Variants in ANK1 observed in about 807,000 individuals in gnomAD.
ANK1 encodes ankyrin-1.
Under a neutral mutation model 210.4 loss-of-function variants are expected in ANK1, and 51 were observed. The ratio of observed to expected loss-of-function variants is 0.24; its 90% CI spans 0.19 to 0.31. The LOEUF is 0.31. Ranked by LOEUF, ANK1 falls within the 10% of genes least tolerant of loss-of-function variation. ANK1 has a pLI of 1.00. For missense variants in ANK1, 2,051 were observed against 2,504.4 expected, an observed-to-expected ratio of 0.82 and a Z score of 3.86; for synonymous variants, 967 against 1,025.9, an observed-to-expected ratio of 0.94 and a Z score of 1.10.
intron 1 of ANK1, among the ~76,000 whole-genome samples, chr8:41,760,905 A>C (rs914040557): frequency 3.3e-5 from 5 of 152,022 alleles, no homozygotes; most frequent in African/African-American, 1.2e-4. Context: ...TGCCCTCCTA[A>C]AAAAAACATG....
intron 3 of ANK1, among the ~76,000 whole-genome samples, chr8:41,729,241 G>A (rs941178660): frequency 2.6e-5 from 4 of 152,126 alleles, no homozygotes; most frequent in African/African-American, 9.7e-5. Flanking sequence ...ATGAGTAAGG[G>A]TTCACCAAAT....
At chr8:41,850,377 GA>G (rs34061529) in intron 1 of ANK1, among the ~76,000 whole-genome samples, 37 of 146,852 alleles carry the variant, frequency 2.5e-4, no homozygotes, top group East Asian at 9.8e-4. Context: ...CTTCCAGAAA[GA>G]AAAAAAAAAT....
chr8:41,728,079 G>A (rs1831182672), intron 3 of ANK1, 73 bp from the exon 4 acceptor site: 4 of 1,491,130 alleles, frequency 2.7e-6, no homozygotes, highest in Non-Finnish European at 3.7e-6. Flanking sequence ...AAGGTCTGTG[G>A]ACAGGTGCTG....
intron 1 of ANK1, among the ~76,000 whole-genome samples, chr8:41,838,144 C>T (rs1270928189): frequency 6.6e-6 from 1 of 152,190 alleles, no homozygotes; most frequent in Non-Finnish European, 1.5e-5. Context: ...GCTCCAGACA[C>T]CCATCCCCTC....
intron 1 of ANK1, among the ~76,000 whole-genome samples, chr8:41,863,318 C>G (rs1307880854): frequency 1.3e-5 from 2 of 151,844 alleles, no homozygotes; most frequent in Non-Finnish European, 2.9e-5. Flanking sequence ...GAGATCGCAC[C>G]ACTGCACTCT....
intron 9 of ANK1, among the ~76,000 whole-genome samples, chr8:41,722,216 A>G (rs1829451524): frequency 6.6e-6 from 1 of 152,242 alleles, no homozygotes; most frequent in Non-Finnish European, 1.5e-5. Context: ...GCTAAATGAG[A>G]AACTGCTTTA....
chr8:41,878,698 T>C (rs1817039083), intron 1 of ANK1, among the ~76,000 whole-genome samples: 1 of 152,114 alleles, frequency 6.6e-6, no homozygotes, highest in South Asian at 2.1e-4. Flanking sequence ...ACAGGACCCT[T>C]TTAAGGGCAG....
At chr8:41,829,532 A>C (rs908463565) in intron 1 of ANK1, 2 of 152,024 alleles carry the variant, frequency 1.3e-5, no homozygotes, top group Non-Finnish European at 2.9e-5. Flanking sequence ...TCCTAGTCCC[A>C]CTCACCGTGT....
chr8:41,706,665 C>A lies in ANK1; in HGVS notation c.1999-424G>T, dbSNP rs78483504. 6.1e-3 allele frequency among the ~76,000 whole-genome samples: 931 copies of A among 152,312 alleles called. 14 individuals are homozygous for A. Among genetic ancestry groups the A allele is most frequent in the African/African-American group, 0.021 (878 of 41,576 alleles). On this transcript the variant is annotated intron_variant, in intron 17 of 42. Transcript: ENST00000289734. ...TTTATGGACTTCCCAGTAAAGAATG[C>A]CCCATTTCCATGGTGAATTTCAGAG...
At chr8:41,778,313 A>G (rs2150743518) in intron 1 of ANK1, among the ~76,000 whole-genome samples, 1 of 152,372 alleles carries the variant, frequency 6.6e-6, no homozygotes, top group Middle Eastern at 3.4e-3. Context: ...TGTGCAATTA[A>G]ATACCAAACG....
intron 8 of ANK1, 37 bp downstream of exon 8, chr8:41,723,498 C>T (rs1030934816): frequency 6.3e-6 from 10 of 1,598,308 alleles, no homozygotes; most frequent in Non-Finnish European, 8.6e-6. Context: ...GGGGACCTCC[C>T]TCCCCCTGCC....
intron 1 of ANK1, among the ~76,000 whole-genome samples, chr8:41,764,745 T>G (rs969864636): frequency 1.3e-5 from 2 of 152,212 alleles, no homozygotes; most frequent in Non-Finnish European, 2.9e-5. Flanking sequence ...ACAGCAGACA[T>G]TCTGCTGTGC....
chr8:41,729,280 A>C (rs1311175064), intron 3 of ANK1, among the ~76,000 whole-genome samples: 1 of 152,272 alleles, frequency 6.6e-6, no homozygotes, highest in Admixed American at 6.5e-5. Flanking sequence ...TGGAGAGAAT[A>C]AACACTGGAG....
At chr8:41,713,186 T>A (rs895049391) in intron 16 of ANK1, among the ~76,000 whole-genome samples, 2 of 152,238 alleles carry the variant, frequency 1.3e-5, no homozygotes, top group Non-Finnish European at 1.5e-5. Flanking sequence ...CTTGGATGCC[T>A]GCCACATGAC....
At chr8:41,692,051 G>C (rs1486747759) in intron 31 of ANK1, among the ~76,000 whole-genome samples, 1 of 150,114 alleles carries the variant, frequency 6.7e-6, no homozygotes, top group Non-Finnish European at 1.5e-5. Flanking sequence ...ATACTCAGCT[G>C]GCTAGCACTT....
At chr8:41,851,009 G>C (rs1414681493) in intron 1 of ANK1, among the ~76,000 whole-genome samples, 3 of 152,178 alleles carry the variant, frequency 2.0e-5, no homozygotes, top group Non-Finnish European at 4.4e-5. Flanking sequence ...AGATTTCTGT[G>C]GTCTCTGGAA....
intron 2 of ANK1, among the ~76,000 whole-genome samples, chr8:41,743,533 G>T (rs190954159): frequency 6.6e-6 from 1 of 152,298 alleles, no homozygotes; most frequent in Non-Finnish European, 1.5e-5. Context: ...AGCTGGAGAT[G>T]TCGGCCTTAG....
chr8:41,690,375 A>T, intron 32 of ANK1, 29 bp from the exon 33 acceptor site: 1 of 1,614,226 alleles, frequency 6.2e-7, no homozygotes, highest in Non-Finnish European at 8.5e-7. Context: ...AGGAGAATTC[A>T]GGGGCCCTTT....
intron 39 of ANK1, chr8:41,665,334 C>A: frequency 7.6e-7 from 1 of 1,311,524 alleles, no homozygotes; most frequent in South Asian, 1.3e-5. Flanking sequence ...CCGGAGCTGT[C>A]CAACCGGGCT....
Sources: gnomAD v4.1 joint callset for allele counts (sites outside exome capture counted in the v4.1 genomes callset) on GRCh38, gnomAD v4.1.1 for gene constraint, MANE v1.5 for transcripts, NCBI Gene and HGNC (gene_info 2026-07-23, HGNC 2026-07-21) for gene names.